Variants in MAMLD1 observed in about 807,000 individuals in gnomAD.
The protein encoded by MAMLD1 is mastermind like domain containing 1.
Under a neutral mutation model 45.0 loss-of-function variants are expected in MAMLD1, and 14 were observed. The ratio of observed to expected loss-of-function variants is 0.31; its 90% CI spans 0.21 to 0.49. The LOEUF is 0.49. Ranked by LOEUF, MAMLD1 falls within the 20% of genes least tolerant of loss-of-function variation. The pLI is 0.99. For synonymous variants in MAMLD1, 254 were observed against 247.8 expected (o/e 1.02, Z -0.24); for missense variants, 543 against 603.6 (o/e 0.90, Z 1.05).
intron 1 of MAMLD1, among the ~76,000 whole-genome samples, chrX:150,389,706 T>C (rs1194081031): frequency 8.9e-6 from 1 of 112,294 alleles, no homozygotes; most frequent in Non-Finnish European, 1.9e-5. Context: ...CTAGCAGTTG[T>C]ATCTGTTGTT....
chrX:150,364,420 C>T (rs1438228342), intron 1 of MAMLD1, among the ~76,000 whole-genome samples: 2 of 113,052 alleles, frequency 1.8e-5, no homozygotes, highest in African/African-American at 6.4e-5. Flanking sequence ...AAAGCTCGGC[C>T]CTGAAGCCAT....
At chrX:150,398,343 G>GAAGAAGAAGAAGAAAGAAGAA (rs1569564636) in intron 1 of MAMLD1, among the ~76,000 whole-genome samples, 4 of 56,452 alleles carry the variant, frequency 7.1e-5, no homozygotes, top group African/African-American at 2.5e-4. Flanking sequence ...AAGAAGAAGA[G>GAAGAAGAAGAAGAAAGAAGAA]GAAGAGGAAG....
At chrX:150,465,346 T>C (rs782130545) in intron 3 of MAMLD1, among the ~76,000 whole-genome samples, 6 of 112,642 alleles carry the variant, frequency 5.3e-5, no homozygotes, top group Admixed American at 9.4e-5. Flanking sequence ...CCATATGTCA[T>C]TGTTCAGACA....
intron 2 of MAMLD1, among the ~76,000 whole-genome samples, chrX:150,457,651 G>A (rs1039103754): frequency 1.8e-5 from 2 of 112,350 alleles, no homozygotes; most frequent in African/African-American, 6.5e-5. Flanking sequence ...CAAAAGGAAC[G>A]GAGTACTGAG....
intron 6 of MAMLD1, chrX:150,504,819 G>A: frequency 1.3e-6 from 1 of 754,029 alleles, no homozygotes; most frequent in African/African-American, 2.3e-5. Context: ...TTGGAAATTG[G>A]CCCCACCTGA....
chrX:150,424,127 T>G (rs1399354809), intron 1 of MAMLD1, among the ~76,000 whole-genome samples: 2 of 112,411 alleles, frequency 1.8e-5, no homozygotes, highest in African/African-American at 6.5e-5. Flanking sequence ...GCTGTTTGAT[T>G]TTAGAGTCAA....
chrX:150,381,500 G>C (rs2032606177), intron 1 of MAMLD1, among the ~76,000 whole-genome samples: 1 of 112,600 alleles, frequency 8.9e-6, no homozygotes, highest in African/African-American at 3.2e-5. Context: ...TTGTGTTGCT[G>C]TTTTATACCA....
At chrX:150,421,477 T>C (rs142354829) in intron 1 of MAMLD1, among the ~76,000 whole-genome samples, 1,736 of 112,457 alleles carry the variant, frequency 0.015, 35 homozygotes, top group African/African-American at 0.053. Context: ...CTTTCTTTAA[T>C]GGCTATTCTG....
At chrX:150,401,542 A>T (rs1406780610) in intron 1 of MAMLD1, among the ~76,000 whole-genome samples, 9 of 105,992 alleles carry the variant, frequency 8.5e-5, no homozygotes, top group East Asian at 3.0e-4. Context: ...GCTACCAATG[A>T]CTTTCTTCAC....
At chrX:150,362,113 C>T (rs782057518), upstream of MAMLD1, among the ~76,000 whole-genome samples, 153 of 112,190 alleles carry the variant, frequency 1.4e-3, 1 homozygote, top group Non-Finnish European at 1.7e-3. Flanking sequence ...GAGCCCTGGT[C>T]CCCGCTGCCG....
intron 2 of MAMLD1, among the ~76,000 whole-genome samples, chrX:150,454,429 GC>G (rs1303316373): frequency 1.8e-5 from 2 of 111,647 alleles, no homozygotes; most frequent in African/African-American, 6.5e-5. Context: ...CTTAGAAAAT[GC>G]CTTGCCCTTT....
chrX:150,363,649 G>A (rs1460112983), intron 1 of MAMLD1, 119 bp downstream of exon 1: 3 of 112,282 alleles, frequency 2.7e-5, no homozygotes, highest in East Asian at 2.8e-4. Flanking sequence ...CTTCGAGTCG[G>A]TAGACCCTAA....
intron 1 of MAMLD1, among the ~76,000 whole-genome samples, chrX:150,423,348 C>CTGTGTGTGTGTGTGTG (rs1246327427): frequency 5.6e-3 from 44 of 7,845 alleles, no homozygotes; most frequent in African/African-American, 6.4e-3. Context: ...ACATTATACT[C>CTGTGTGTGTGTGTGTG]TGTGTGTGTG....
chrX:150,432,197 T>C (rs2034976304), intron 1 of MAMLD1, among the ~76,000 whole-genome samples: 1 of 111,918 alleles, frequency 8.9e-6, no homozygotes, highest in African/African-American at 3.3e-5. Context: ...CATTTTCTCA[T>C]ATGCTTGTTT....
intron 3 of MAMLD1, among the ~76,000 whole-genome samples, chrX:150,469,493 G>C (rs1557406160): frequency 8.9e-6 from 1 of 112,241 alleles, no homozygotes; most frequent in African/African-American, 3.2e-5. Context: ...TGGTTCCAAA[G>C]ACAGGCTGTA....
At chrX:150,426,868 C>T (rs1293683848) in intron 1 of MAMLD1, among the ~76,000 whole-genome samples, 1 of 111,903 alleles carries the variant, frequency 8.9e-6, no homozygotes, top group African/African-American at 3.2e-5. Flanking sequence ...CATTTTTATC[C>T]CCAATGTATT....
intron 2 of MAMLD1, among the ~76,000 whole-genome samples, chrX:150,459,103 G>A (rs782632278): frequency 3.8e-4 from 42 of 111,925 alleles, no homozygotes; most frequent in Non-Finnish European, 5.8e-4. Flanking sequence ...TCCTGACCTT[G>A]CCACTGCAAT....
At chrX:150,435,020 C>T (rs1204960325) in intron 1 of MAMLD1, among the ~76,000 whole-genome samples, 8 of 111,293 alleles carry the variant, frequency 7.2e-5, no homozygotes, top group Non-Finnish European at 1.3e-4. Flanking sequence ...GTTGAAGTCT[C>T]CCACTATTAT....
chrX:150,400,523 C>A (rs2033702368), intron 1 of MAMLD1, among the ~76,000 whole-genome samples: 1 of 112,025 alleles, frequency 8.9e-6, no homozygotes, highest in Non-Finnish European at 1.9e-5. Context: ...AGAAGGCATC[C>A]CTGTCTTGTG....
Sources: gnomAD v4.1 joint callset for allele counts (sites outside exome capture counted in the v4.1 genomes callset) on GRCh38, gnomAD v4.1.1 for gene constraint, MANE v1.5 for transcripts, NCBI Gene and HGNC (gene_info 2026-07-23, HGNC 2026-07-21) for gene names.